Variants in ABCF1 observed in about 807,000 individuals in gnomAD.
ABCF1 encodes the protein ATP binding cassette subfamily F member 1.
A neutral mutation model predicts 126.3 loss-of-function variants in ABCF1; 73 were observed. That is an observed-to-expected ratio of 0.58 (90% CI 0.48 to 0.70). The LOEUF (loss-of-function observed/expected upper bound fraction) is 0.70. ABCF1 is among the 30% of genes least tolerant of loss of function. ABCF1 has a pLI of 0.00. For synonymous variants in ABCF1, 345 were observed against 396.4 expected (o/e 0.87, Z 1.54); for missense variants, 786 against 1,057.5 (o/e 0.74, Z 3.56).
In ABCF1 at chr6:30,584,717, C is replaced by T; in HGVS notation, c.1391+151C>T. The T allele has an allele frequency of 8.9e-7, 1 of 1,120,104 alleles. No individual in the cohort carries two copies. Among genetic ancestry groups the T allele is most frequent in the Non-Finnish European group, 1.2e-6 (1 of 809,894 alleles). 69.4% of individuals were successfully genotyped at this position (1,120,104 alleles called of 1,614,324 possible). ...TGTGTTGTGAGAACTTAGGGTCTTT[C>T]TCTATTTATCTCCCTACTTGGTGGT... is the stretch of plus-strand genomic sequence containing the variant. On this transcript the variant is annotated intron_variant, in intron 14 of 24. Coordinates refer to ENST00000326195, the MANE Select transcript of ABCF1 (RefSeq NM_001025091.2). This position sits in a 1 kb window ranked among gnomAD's most constrained non-coding sequence, Gnocchi z 4.6.
intron 20 of ABCF1, among the ~76,000 whole-genome samples, chr6:30,588,129 C>T (rs1802250085): frequency 6.6e-6 from 1 of 152,030 alleles, no homozygotes; most frequent in African/African-American, 2.4e-5. Context: ...TCTCGAACTC[C>T]TGACCTTGTG....
chr6:30,587,144 T>G (rs938495393), intron 20 of ABCF1, among the ~76,000 whole-genome samples: 11 of 151,694 alleles, frequency 7.3e-5, no homozygotes, highest in African/African-American at 2.7e-4. Flanking sequence ...TCCTAGCTAC[T>G]CAGGAGGCTG....
In ABCF1 at chr6:30,583,846, C is replaced by A. The variant is rs763002705; in HGVS notation, c.1058C>A (p.Ala353Asp). ...TTLLKHIANR[A>D]LSIPPNIDVL... is the part of the protein sequence containing the mutation. Reference sequence around the variant, plus strand: ...CTCCTCAAGCACATTGCCAACCGAGCCCTGAGCATCCCTCCCAACATTGAT... The same window carrying A: ...CTCCTCAAGCACATTGCCAACCGAGACCTGAGCATCCCTCCCAACATTGAT... The change falls in exon 12 of 25, where the codon GCC becomes GAC. Residue 353 changes from alanine to aspartate, a missense_variant. Physicochemically the swap from Ala to Asp is moderately radical, Grantham distance 126. Around this residue, in one of 4 missense-constraint regions of ABCF1, gnomAD observed 163 missense variants for 255.3 expected, o/e 0.64. Transcript: ENST00000326195. This position sits in a 1 kb window ranked among gnomAD's most constrained non-coding sequence, Gnocchi z 4.1. 6 of 1,613,974 alleles carry A rather than the reference C, an allele frequency of 3.7e-6. No homozygotes were observed. The highest frequency in any genetic ancestry group is 5.1e-6 in the Non-Finnish European group (6 of 1,180,028).
chr6:30,575,357 C>T (rs1018926903), intron 1 of ABCF1, among the ~76,000 whole-genome samples: 3 of 126,682 alleles, frequency 2.4e-5, no homozygotes, highest in African/African-American at 6.5e-5. Flanking sequence ...CCTGAGCCGC[C>T]GCACCCGACC....
chr6:30,590,982 C>T lies in ABCF1; in HGVS notation c.*281C>T, dbSNP rs576092453. ...AGGTGACCACCTTATTGTGAGGTTC[C>T]ATCCAGCCAAGTTTATGTGGCCTAT... is the stretch of plus-strand genomic sequence containing the variant. On this transcript the variant is annotated 3_prime_UTR_variant, in exon 25 of 25. Transcript: ENST00000326195. 2.6e-6 allele frequency: 1 copy of T among 389,590 alleles called. No individual in the cohort carries two copies. Among genetic ancestry groups the T allele is most frequent in the African/African-American group, 2.1e-5 (1 of 48,630 alleles). 24.1% of individuals were successfully genotyped at this position (389,590 alleles called of 1,614,324 possible). A position where few individuals can be genotyped will look rare whatever the true frequency, so the allele number is the denominator to read the frequency against.
intron 1 of ABCF1, among the ~76,000 whole-genome samples, chr6:30,575,628 C>G (rs1801458448): frequency 6.6e-6 from 1 of 151,880 alleles, no homozygotes; most frequent in Non-Finnish European, 1.5e-5. Context: ...TCTCAGGTTA[C>G]TCTCTAGAAT....
In ABCF1 at chr6:30,571,454, G is replaced by A. The variant is rs1230223268; in HGVS notation, c.-34G>A. ...CGCCGCCGGAAGCGGAAATAGCACC[G>A]GGCGCCGCCACAGTAGCTGTAACTG... On this transcript the variant is annotated 5_prime_UTR_variant, in exon 1 of 25. Coordinates refer to ENST00000326195, the MANE Select transcript of ABCF1 (RefSeq NM_001025091.2). 2 of 1,591,770 alleles carry A rather than the reference G, an allele frequency of 1.3e-6. No individual in the cohort carries two copies. The highest frequency in any genetic ancestry group is 1.7e-6 in the Non-Finnish European group (2 of 1,169,570).
At chr6:30,577,687 G>GA (rs1340724527) in intron 2 of ABCF1, 131 bp from the exon 3 acceptor site, 38 of 1,029,172 alleles carry the variant, frequency 3.7e-5, no homozygotes, top group Middle Eastern at 2.2e-4. Flanking sequence ...TCCACAAAAA[G>GA]AAAAAAAAGA....
At chr6:30,587,594 T>C in intron 20 of ABCF1, among the ~76,000 whole-genome samples, 1 of 148,200 alleles carries the variant, frequency 6.7e-6, no homozygotes, top group East Asian at 2.1e-4. Flanking sequence ...GAGATTGCGC[T>C]ATTGCACTCC....
intron 1 of ABCF1, among the ~76,000 whole-genome samples, chr6:30,576,992 T>C (rs1561784688): frequency 6.6e-6 from 1 of 152,324 alleles, no homozygotes; most frequent in East Asian, 1.9e-4. Flanking sequence ...TTAAATGCCA[T>C]CTTCTTAGAG....
intron 8 of ABCF1, among the ~76,000 whole-genome samples, chr6:30,581,671 G>A (rs1801822858): frequency 6.6e-6 from 1 of 151,876 alleles, no homozygotes; most frequent in African/African-American, 2.4e-5. Flanking sequence ...CCAAAGTGCT[G>A]GGATTACAGA....
intron 1 of ABCF1, 60 bp downstream of exon 1, chr6:30,571,620 GTT>G: frequency 6.4e-7 from 1 of 1,551,016 alleles, no homozygotes; most frequent in Non-Finnish European, 8.8e-7. Context: ...GACTGCGCGT[GTT>G]TTAAGAGAGG....
Position 30,579,968 on chromosome 6 carries a change from A to C in ABCF1, c.527A>C (p.Lys176Thr). The C allele has an allele frequency of 6.2e-7, 1 of 1,612,910 alleles. No homozygotes were observed. The highest frequency in any genetic ancestry group is 1.1e-5 in the South Asian group (1 of 91,080). ...SEEQQPALKGKKGKEEKSKGK... is the reference protein window; with the variant it reads ...SEEQQPALKGTKGKEEKSKGK... ...GAACAGCAGCCTGCACTCAAGGGCA[A>C]AAAGGGAAAGGAAGAGAAGTCAAAA... is the stretch of plus-strand genomic sequence containing the variant. The change falls in exon 7 of 25, where the codon AAA becomes ACA. Residue 176 changes from lysine (K) to threonine (T), a missense_variant. Around this residue, in one of 4 missense-constraint regions of ABCF1, gnomAD observed 322 missense variants for 322.9 expected, o/e 1.00. Coordinates refer to ENST00000326195, the MANE Select transcript of ABCF1 (RefSeq NM_001025091.2).
At position 30,583,538 on chromosome 6, in the gene ABCF1, T is replaced by C. The variant is rs1297415852; in HGVS notation, c.916-70T>C. The C allele has an allele frequency of 6.6e-7, 1 of 1,526,468 alleles. No individual in the cohort carries two copies. The highest frequency in any genetic ancestry group is 9.1e-7 in the Non-Finnish European group (1 of 1,103,284). The allele number at this position is 1,526,468 out of a possible 1,614,324, so 94.6% of individuals were successfully genotyped here. ...TTCCCTGCAGGGAGAAAGTGGCCGC[T>C]CCTGTCCCAAAGGGAGAATTTTCAT... On this transcript the variant is annotated intron_variant, in intron 10 of 24. Coordinates refer to ENST00000326195, the MANE Select transcript of ABCF1 (RefSeq NM_001025091.2). This position sits in a 1 kb window ranked among gnomAD's most constrained non-coding sequence, Gnocchi z 4.1.
rs9256927 is a variant in ABCF1 at position 30,576,276 on chromosome 6, CTTTTTTT to C, written c.74-1110_74-1104del. Reference sequence around the variant, plus strand: ...AACACAGGAGTCATCTCTGAGTGCTCTTTTTTTTTTTTTTTTTTTTTTTTTTTTTGAG... The same window carrying C: ...AACACAGGAGTCATCTCTGAGTGCTCTTTTTTTTTTTTTTTTTTTTTTGAG... On this transcript the variant is annotated intron_variant, in intron 1 of 24. Coordinates refer to ENST00000326195, the MANE Select transcript of ABCF1 (RefSeq NM_001025091.2). Among the ~76,000 whole-genome samples the C allele has an allele frequency of 7.7e-4, 34 of 44,160 alleles. 1 individual carries two copies. In the East Asian group the frequency reaches 0.017, roughly 22 times the overall value. 29.0% of individuals were successfully genotyped at this position (44,160 alleles called of 152,430 possible). A position where few individuals can be genotyped will look rare whatever the true frequency, so the allele number is the denominator to read the frequency against.
rs200660240 is a variant in ABCF1, at chr6:30,586,317, G to A, written c.1885+12G>A. The A allele has an allele frequency of 3.2e-4, 519 of 1,601,556 alleles. No homozygotes were observed. The highest frequency in any genetic ancestry group is 4.2e-4 in the Non-Finnish European group (495 of 1,173,786). On this transcript the variant is annotated intron_variant, in intron 18 of 24. Coordinates refer to ENST00000326195, the MANE Select transcript of ABCF1 (RefSeq NM_001025091.2). This position sits in a 1 kb window ranked among gnomAD's most constrained non-coding sequence, Gnocchi z 4.9. The stretch of plus-strand genomic sequence containing the variant: ...GCTGGGTCTGCATGGTGAGTGCCGC[G>A]GGCCTCTGCTGCTCCACAGGAAGCA...
intron 2 of ABCF1, 36 bp downstream of exon 2, chr6:30,577,491 T>C: frequency 2.5e-6 from 4 of 1,606,700 alleles, no homozygotes; most frequent in Non-Finnish European, 3.4e-6. Flanking sequence ...GAAATGACTA[T>C]GGATGTTTCC....
rs1009340832 is a variant in ABCF1 at position 30,583,537 on chromosome 6, C to A, written c.916-71C>A. The A allele has an allele frequency of 1.3e-6, 2 of 1,523,290 alleles. No individual in the cohort carries two copies. Among genetic ancestry groups the A allele is most frequent in the Non-Finnish European group, 1.8e-6 (2 of 1,100,638 alleles). The allele number at this position is 1,523,290 out of a possible 1,614,324, so 94.4% of individuals were successfully genotyped here. A position where few individuals can be genotyped will look rare whatever the true frequency, so the allele number is the denominator to read the frequency against. ...CTTCCCTGCAGGGAGAAAGTGGCCG[C>A]TCCTGTCCCAAAGGGAGAATTTTCA... On this transcript the variant is annotated intron_variant, in intron 10 of 24. Transcript: ENST00000326195. The surrounding 1 kb of genome is among the most constrained non-coding windows in gnomAD (Gnocchi z 4.1).
chr6:30,574,197 C>T lies in ABCF1; in HGVS notation c.73+2637C>T, dbSNP rs568029115. 2.3e-3 allele frequency among the ~76,000 whole-genome samples: 352 copies of T among 151,246 alleles called. 1 individual carries two copies. Among genetic ancestry groups the T allele is most frequent in the African/African-American group, 8.3e-3 (341 of 41,260 alleles). On this transcript the variant is annotated intron_variant, in intron 1 of 24. Coordinates refer to ENST00000326195, the MANE Select transcript of ABCF1 (RefSeq NM_001025091.2). This position sits in a 1 kb window ranked among gnomAD's most constrained non-coding sequence, Gnocchi z 4.3. ...CTCACTCCAGGCTGGAGTGCAGTGG[C>T]GCGATCTCAGCTCACTGCAGCCTCA...
Sources: gnomAD v4.1 joint callset for allele counts (sites outside exome capture counted in the v4.1 genomes callset) on GRCh38, gnomAD v4.1.1 for gene constraint, gnomAD v4.1.1 regional missense constraint, Gnocchi (gnomAD v3.1) non-coding constraint, MANE v1.5 for transcripts, NCBI Gene and HGNC (gene_info 2026-07-23, HGNC 2026-07-21) for gene names.